Variants in EXOC4 observed in about 807,000 individuals in gnomAD.
The protein encoded by EXOC4 is SEC8-like 1.
EXOC4 carries 71 observed loss-of-function variants against 107.2 expected under a neutral mutation model. The observed-to-expected ratio is 0.66, with a 90% CI of 0.55 to 0.81. The LOEUF (loss-of-function observed/expected upper bound fraction) is 0.81. EXOC4 is among the 30% of genes least tolerant of loss of function. The probability of loss-of-function intolerance (pLI) is 0.00; values close to 1 mark genes in which losing one functional copy is unlikely to be tolerated. For missense variants in EXOC4, 1,108 were observed against 1,189.6 expected, an observed-to-expected ratio of 0.93 and a Z score of 1.01; for synonymous variants, 456 against 441.2, an observed-to-expected ratio of 1.03 and a Z score of -0.42.
At chr7:133,897,128 G>A (rs1307197100) in intron 12 of EXOC4, among the ~76,000 whole-genome samples, 1 of 151,706 alleles carries the variant, frequency 6.6e-6, no homozygotes, top group African/African-American at 2.4e-5. Flanking sequence ...TAGCAGATAT[G>A]GAATCATTAT....
At chr7:133,884,296 C>T (rs1799030216) in intron 11 of EXOC4, among the ~76,000 whole-genome samples, 1 of 152,174 alleles carries the variant, frequency 6.6e-6, no homozygotes, top group African/African-American at 2.4e-5. Context: ...CACCTACAAA[C>T]ATCATGCAGT....
intron 9 of EXOC4, among the ~76,000 whole-genome samples, chr7:133,517,189 G>C (rs1799893309): frequency 6.6e-6 from 1 of 152,076 alleles, no homozygotes. Flanking sequence ...GGGAGGGAGT[G>C]TGATTAATAG....
chr7:133,255,884 G>T (rs1447921555), intron 1 of EXOC4, among the ~76,000 whole-genome samples: 1 of 152,110 alleles, frequency 6.6e-6, no homozygotes, highest in Non-Finnish European at 1.5e-5. Context: ...TTTCTTGTTA[G>T]TAAATTGTGC....
intron 1 of EXOC4, among the ~76,000 whole-genome samples, chr7:133,269,287 A>G (rs1424588461): frequency 2.0e-5 from 3 of 152,210 alleles, no homozygotes; most frequent in African/African-American, 4.8e-5. Flanking sequence ...CAGGAAAGAT[A>G]GGATTTTGTA....
chr7:133,693,933 T>C (rs1431544434), intron 10 of EXOC4, among the ~76,000 whole-genome samples: 1 of 151,754 alleles, frequency 6.6e-6, no homozygotes, highest in Non-Finnish European at 1.5e-5. Context: ...TACCAGGGAG[T>C]CTCACAGAGT....
chr7:133,917,010 C>G (rs188688903), intron 12 of EXOC4, among the ~76,000 whole-genome samples: 1 of 152,126 alleles, frequency 6.6e-6, no homozygotes, highest in African/African-American at 2.4e-5. Flanking sequence ...AGTCAGAGCC[C>G]ACTGGAGATG....
intron 10 of EXOC4, among the ~76,000 whole-genome samples, chr7:133,671,628 G>A (rs922617411): frequency 1.3e-5 from 2 of 152,106 alleles, no homozygotes; most frequent in African/African-American, 4.8e-5. Flanking sequence ...ATGTGCTGTA[G>A]GGGAGTAATA....
chr7:134,005,283 G>T (rs570215040), intron 16 of EXOC4, among the ~76,000 whole-genome samples, 193 bp downstream of exon 16: 9 of 152,136 alleles, frequency 5.9e-5, no homozygotes, highest in Non-Finnish European at 1.3e-4. Context: ...CATCTGCTCC[G>T]GGTTGATAAG....
chr7:133,521,015 T>A (rs2150910137), intron 9 of EXOC4, among the ~76,000 whole-genome samples: 1 of 152,308 alleles, frequency 6.6e-6, no homozygotes, highest in East Asian at 1.9e-4. Context: ...ATGTTGACCC[T>A]TCAGGGCTTG....
At chr7:133,457,467 C>T (rs1424263738) in intron 7 of EXOC4, among the ~76,000 whole-genome samples, 1 of 152,152 alleles carries the variant, frequency 6.6e-6, no homozygotes, top group African/African-American at 2.4e-5. Context: ...GAAGCAAGTG[C>T]AGTATATAGC....
chr7:133,580,748 T>C (rs977559051), intron 9 of EXOC4, among the ~76,000 whole-genome samples: 3 of 152,210 alleles, frequency 2.0e-5, no homozygotes, highest in East Asian at 3.9e-4. Flanking sequence ...GTCCTTTCTT[T>C]TGAGCTTCTC....
intron 12 of EXOC4, among the ~76,000 whole-genome samples, chr7:133,897,258 A>T (rs980906150): frequency 6.6e-6 from 1 of 152,096 alleles, no homozygotes; most frequent in African/African-American, 2.4e-5. Context: ...TGGACAAATT[A>T]AACAACAACC....
intron 14 of EXOC4, among the ~76,000 whole-genome samples, chr7:133,987,415 A>G (rs1794143644): frequency 6.6e-6 from 1 of 151,530 alleles, no homozygotes; most frequent in African/African-American, 2.4e-5. Context: ...GAAAGAAAAG[A>G]AGGAAGGGAG....
intron 11 of EXOC4, among the ~76,000 whole-genome samples, chr7:133,848,220 A>C (rs1358485852): frequency 1.3e-5 from 2 of 152,198 alleles, no homozygotes; most frequent in African/African-American, 4.8e-5. Flanking sequence ...CAAATGTGAA[A>C]GGAGCCTTTT....
intron 13 of EXOC4, among the ~76,000 whole-genome samples, chr7:133,928,610 AC>A (rs1800103775): frequency 6.6e-6 from 1 of 152,008 alleles, no homozygotes; most frequent in Non-Finnish European, 1.5e-5. Context: ...CTCCCGCTCC[AC>A]GCTGCACCCT....
chr7:133,533,758 T>C (rs1800223352), intron 9 of EXOC4, among the ~76,000 whole-genome samples: 2 of 152,134 alleles, frequency 1.3e-5, no homozygotes, highest in Non-Finnish European at 2.9e-5. Flanking sequence ...AACTATAGTA[T>C]GATGTCAGAA....
At chr7:133,255,836 G>A (rs951602318) in intron 1 of EXOC4, among the ~76,000 whole-genome samples, 3 of 152,196 alleles carry the variant, frequency 2.0e-5, no homozygotes, top group African/African-American at 2.4e-5. Context: ...TGGGGAATGG[G>A]GGGAGAGTCC....
rs796633946 is a variant in EXOC4 at position 134,058,045 on chromosome 7, C to G, written c.2688-6246C>G. ...ATGATTATCTGGTTTATGGGTTATTCTTTTTTCTCTTGTCATTTCCCTGTT... is the reference window on the plus strand; with the variant it reads ...ATGATTATCTGGTTTATGGGTTATTGTTTTTTCTCTTGTCATTTCCCTGTT... On this transcript the variant is annotated intron_variant, in intron 17 of 17. Transcript: ENST00000253861. 2.4e-4 allele frequency among the ~76,000 whole-genome samples: 37 copies of G among 152,242 alleles called. 1 individual carries two copies. The highest frequency in any genetic ancestry group is 8.7e-4 in the African/African-American group (36 of 41,556).
intron 9 of EXOC4, among the ~76,000 whole-genome samples, chr7:133,611,601 C>T (rs1802077787): frequency 1.3e-5 from 2 of 152,094 alleles, no homozygotes; most frequent in African/African-American, 4.8e-5. Flanking sequence ...TAGTCTTCTA[C>T]ACTCAACTTT....
Sources: allele counts gnomAD v4.1 joint callset (sites outside exome capture counted in the v4.1 genomes callset), GRCh38; gene constraint gnomAD v4.1.1; transcripts MANE v1.5; gene names NCBI Gene and HGNC (gene_info 2026-07-23, HGNC 2026-07-21).